Variants in ZNF331 observed in about 807,000 individuals in gnomAD.
The protein encoded by ZNF331 is C2H2-like zinc finger protein rearranged in thyroid adenomas.
ZNF331 carries 2 observed loss-of-function variants against 7.0 expected under a neutral mutation model. The observed-to-expected ratio is 0.29, with a 90% CI of 0.12 to 0.90. ZNF331 has a LOEUF of 0.90. Ranked by LOEUF, ZNF331 falls within the 40% of genes least tolerant of loss-of-function variation. ZNF331 has a pLI of 0.58. For missense variants in ZNF331, 432 were observed against 587.7 expected, an observed-to-expected ratio of 0.74 and a Z score of 2.74; for synonymous variants, 196 against 205.4, an observed-to-expected ratio of 0.95 and a Z score of 0.39.
upstream of ZNF331, among the ~76,000 whole-genome samples, chr19:53,517,612 C>T (rs906128208): frequency 2.6e-5 from 4 of 152,166 alleles, no homozygotes; most frequent in African/African-American, 9.7e-5. Flanking sequence ...TCTCCCCACG[C>T]AGGTTCAAGT....
In ZNF331 at chr19:53,571,309, A is replaced by G. The variant is rs2090434565; in HGVS notation, c.10-295A>G. The stretch of plus-strand genomic sequence containing the variant: ...CTTATAAGGCAGGCACGTAGCAGAC[A>G]CTGCTTGTAAGCAAGAAGAAAACTT... On this transcript the variant is annotated intron_variant, in intron 4 of 5. Coordinates refer to ENST00000449416, the MANE Select transcript of ZNF331 (RefSeq NM_001079906.2). The surrounding 1 kb of genome is among the most constrained non-coding windows in gnomAD (Gnocchi z 4.7). Among the ~76,000 whole-genome samples, 1 of 152,200 alleles carries G rather than the reference A, an allele frequency of 6.6e-6. No individual in the cohort carries two copies. Among genetic ancestry groups the G allele is most frequent in the Non-Finnish European group, 1.5e-5 (1 of 68,050 alleles).
At chr19:53,523,781 A>G (rs75994457) in intron 2 of ZNF331, among the ~76,000 whole-genome samples, 1 of 144,504 alleles carries the variant, frequency 6.9e-6, no homozygotes, top group African/African-American at 2.6e-5. Context: ...TTTTTTTTTT[A>G]TACTTTAAGT....
At chr19:53,514,799 C>T (rs895654247), upstream of ZNF331, among the ~76,000 whole-genome samples, 7 of 151,624 alleles carry the variant, frequency 4.6e-5, no homozygotes, top group Non-Finnish European at 8.8e-5. Flanking sequence ...TACAGAAGCC[C>T]GCCACCACGC....
chr19:53,537,482 G>C (rs886962948), upstream of ZNF331: 3 of 152,410 alleles, frequency 2.0e-5, no homozygotes, highest in Non-Finnish European at 2.9e-5. Flanking sequence ...CGGGGTCCCA[G>C]CTGGGGTGAC....
At chr19:53,538,093 C>CGGGAG (rs1327048922), upstream of ZNF331, 2 of 152,344 alleles carry the variant, frequency 1.3e-5, no homozygotes, top group Non-Finnish European at 2.9e-5. Flanking sequence ...CCGCTGGGTG[C>CGGGAG]GCGTGCGCAT....
chr19:53,507,340 G>T, the ZNF331 span, among the ~76,000 whole-genome samples: 1 of 152,086 alleles, frequency 6.6e-6, no homozygotes, highest in East Asian at 1.9e-4. Context: ...ACAGCTTGGG[G>T]CTCCCCACCT....
Position 53,539,793 on chromosome 19 carries a change from C to T in ZNF331, c.-138+511C>T, listed in dbSNP as rs926576083. 6.6e-6 allele frequency among the ~76,000 whole-genome samples: 1 copy of T among 152,142 alleles called. No homozygotes were observed. The highest frequency in any genetic ancestry group is 1.5e-5 in the Non-Finnish European group (1 of 68,026). On this transcript the variant is annotated intron_variant, in intron 2 of 5. Transcript: ENST00000449416. This position sits in a 1 kb window ranked among gnomAD's most constrained non-coding sequence, Gnocchi z 6.1. Reference sequence around the variant, plus strand: ...TGGACATGCCCCAAAGACATTTAGACCCATTGGTCTACAATCGAAGGCTGT... The same window carrying T: ...TGGACATGCCCCAAAGACATTTAGATCCATTGGTCTACAATCGAAGGCTGT...
intron 2 of ZNF331, among the ~76,000 whole-genome samples, chr19:53,541,110 C>CTTTTTT (rs56706446): frequency 2.2e-5 from 3 of 139,422 alleles, no homozygotes; most frequent in Non-Finnish European, 1.5e-5. Flanking sequence ...TATTTCTTTT[C>CTTTTTT]TTTTTTTTTT....
intron 3 of ZNF331, among the ~76,000 whole-genome samples, chr19:53,557,125 T>A (rs1281859701): frequency 6.6e-6 from 1 of 151,582 alleles, no homozygotes; most frequent in Non-Finnish European, 1.5e-5. Flanking sequence ...ACCCAGCCAA[T>A]TTTTTAATAT....
chr19:53,504,426 C>A, the ZNF331 span: 16 of 159,246 alleles, frequency 1.0e-4, no homozygotes, highest in Non-Finnish European at 2.1e-4. Flanking sequence ...CAGCAGGGGC[C>A]ACTGTTTTAT....
intron 3 of ZNF331, chr19:53,563,697 A>G (rs901643834): frequency 6.6e-6 from 1 of 152,084 alleles, no homozygotes; most frequent in African/African-American, 2.4e-5. Context: ...GTATTACTGC[A>G]TGTTGTAGAT....
chr19:53,541,557 G>T (rs932238381), intron 2 of ZNF331, among the ~76,000 whole-genome samples: 8 of 151,998 alleles, frequency 5.3e-5, no homozygotes, highest in Non-Finnish European at 1.2e-4. Context: ...TTCCCACCTC[G>T]GCCTCTCAAG....
upstream of ZNF331, chr19:53,537,816 C>G (rs1369934493): frequency 6.6e-6 from 1 of 151,126 alleles, no homozygotes; most frequent in African/African-American, 2.4e-5. Flanking sequence ...TGCACGCACA[C>G]GTGTCAGTGT....
intron 2 of ZNF331, among the ~76,000 whole-genome samples, chr19:53,547,924 GT>G (rs2088724955): frequency 6.6e-6 from 1 of 151,600 alleles, no homozygotes; most frequent in Admixed American, 6.6e-5. Flanking sequence ...TGTCATTTTT[GT>G]TTGTTTTTTT....
intron 2 of ZNF331, among the ~76,000 whole-genome samples, chr19:53,529,752 A>G (rs1441922291): frequency 6.6e-6 from 1 of 152,204 alleles, no homozygotes; most frequent in African/African-American, 2.4e-5. Flanking sequence ...TATTAGCACG[A>G]AGAATGAGAG....
chr19:53,505,524 G>T, the ZNF331 span, among the ~76,000 whole-genome samples: 25,166 of 152,114 alleles, frequency 0.17, 2,435 homozygotes, highest in East Asian at 0.27. Context: ...CCTGTTGCAT[G>T]CAAGGATTTA....
At position 53,538,273 on chromosome 19, in the gene ZNF331, C is replaced by CT. The variant is rs1038368957; in HGVS notation, c.-227dup. 2.0e-5 allele frequency: 3 copies of CT among 152,128 alleles called. No individual in the cohort carries two copies. The highest frequency in any genetic ancestry group is 6.5e-5 in the Admixed American group (1 of 15,278). 9.4% of individuals were successfully genotyped at this position (152,128 alleles called of 1,614,324 possible). A position where few individuals can be genotyped will look rare whatever the true frequency, so the allele number is the denominator to read the frequency against. On this transcript the variant is annotated 5_prime_UTR_variant, in exon 1 of 6. Transcript: ENST00000449416. ...CGCGTTTGCACCAGTGACGCAGCCG[C>CT]TGCATCTCCGCCAGTCCGCGCAGGT... is the stretch of plus-strand genomic sequence containing the variant.
chr19:53,516,019 T>C (rs998375319), upstream of ZNF331, among the ~76,000 whole-genome samples: 12 of 152,362 alleles, frequency 7.9e-5, no homozygotes, highest in Admixed American at 6.5e-4. Context: ...GTAGATGTTA[T>C]GCCAAGAGAA....
upstream of ZNF331, among the ~76,000 whole-genome samples, chr19:53,517,846 C>A (rs139936164): frequency 3.6e-3 from 552 of 152,178 alleles, 3 homozygotes; most frequent in African/African-American, 0.013. Context: ...CCAGAGATAA[C>A]CAGGTCCACA....
Sources: allele counts gnomAD v4.1 joint callset (sites outside exome capture counted in the v4.1 genomes callset), GRCh38; gene constraint gnomAD v4.1.1; non-coding constraint Gnocchi (gnomAD v3.1); transcripts MANE v1.5; gene names NCBI Gene and HGNC (gene_info 2026-07-23, HGNC 2026-07-21).